UNC80: variants seen among roughly 807,000 people sequenced by gnomAD.
The protein encoded by UNC80 is protein unc-80 homolog.
UNC80 carries 164 observed loss-of-function variants against 384.6 expected under a neutral mutation model. That is an observed-to-expected ratio of 0.43 (90% CI 0.38 to 0.49). UNC80 has a LOEUF of 0.49. Ranked by LOEUF, UNC80 falls within the 20% of genes least tolerant of loss-of-function variation. The pLI, the probability that UNC80 is intolerant of heterozygous loss-of-function variation, is 0.00. For missense variants in UNC80, 3,330 were observed against 4,143.0 expected, an observed-to-expected ratio of 0.80 and a Z score of 5.39; for synonymous variants, 1,486 against 1,527.8, an observed-to-expected ratio of 0.97 and a Z score of 0.64.
Position 209,786,157 on chromosome 2 carries a change from C to T in UNC80, c.692C>T (p.Ala231Val). The change falls in exon 5 of 65, where the codon GCA becomes GTA. Residue 231 changes from alanine to valine, a missense_variant. Transcript: ENST00000673920. ...CAGCCCGGAGTCTCTGGCTTTACCG[C>T]ACTGGTGAAGCCCATCAGGAACATC... The part of the protein sequence containing the change: ...HRQPGVSGFT[A>V]LVKPIRNIIT... The T allele has an allele frequency of 6.2e-7, 1 of 1,614,020 alleles. No individual in the cohort carries two copies. The highest frequency in any genetic ancestry group is 8.5e-7 in the Non-Finnish European group (1 of 1,179,928).
chr2:209,815,638 A>G (rs1314157742), intron 9 of UNC80, among the ~76,000 whole-genome samples: 1 of 152,224 alleles, frequency 6.6e-6, no homozygotes, highest in African/African-American at 2.4e-5. Flanking sequence ...GATCATATGC[A>G]TAAAGCAGTG....
At chr2:209,843,312 G>A (rs115591891) in intron 21 of UNC80, among the ~76,000 whole-genome samples, 2,033 of 152,062 alleles carry the variant, frequency 0.013, 47 homozygotes, top group African/African-American at 0.045. Context: ...TACATTTTCT[G>A]TTTTCATATC....
At chr2:209,815,152 A>T (rs1336590751) in intron 8 of UNC80, 105 bp from the exon 9 acceptor site, 2 of 1,095,212 alleles carry the variant, frequency 1.8e-6, no homozygotes, top group East Asian at 2.6e-5. Flanking sequence ...TTGTTCAAAG[A>T]TGTCAAAGCT....
intron 28 of UNC80, among the ~76,000 whole-genome samples, chr2:209,904,143 G>A (rs2087887120): frequency 6.6e-6 from 1 of 152,198 alleles, no homozygotes; most frequent in South Asian, 2.1e-4. Context: ...GAGAATTATA[G>A]GAGATGTGAG....
At chr2:209,951,307 C>G (rs907144327) in intron 47 of UNC80, among the ~76,000 whole-genome samples, 14 of 150,402 alleles carry the variant, frequency 9.3e-5, no homozygotes, top group Admixed American at 2.6e-4. Flanking sequence ...TTCTCTCTCT[C>G]TCTCTTTTGA....
intron 25 of UNC80, among the ~76,000 whole-genome samples, chr2:209,884,074 A>T (rs1315894893): frequency 6.6e-6 from 1 of 152,218 alleles, no homozygotes; most frequent in Non-Finnish European, 1.5e-5. Context: ...CAATTAAATT[A>T]TGTCTAAAGA....
At chr2:209,833,928 C>A in intron 16 of UNC80, 74 bp from the exon 17 acceptor site, 1 of 1,452,998 alleles carries the variant, frequency 6.9e-7, no homozygotes, top group Non-Finnish European at 9.3e-7. Context: ...TTACTTTCTT[C>A]CTCTCTACCT....
chr2:209,941,368 T>C lies in UNC80; in HGVS notation c.6794T>C (p.Leu2265Pro). ...FLNVFNGALI[L>P]HPEDSALLRQ... is the part of the protein sequence containing the mutation. ...AACGTTTTTAACGGGGCTCTGATCC[T>C]CCACCCGGAAGACAGTGCCCTGCTC... Residue 2265 changes from leucine (L) to proline (P), a missense_variant, in exon 44 of 65, where the codon CTC becomes CCC. Around this residue, in one of 8 missense-constraint regions of UNC80, gnomAD observed 1,049 missense variants for 1,488.6 expected, o/e 0.70. Coordinates refer to ENST00000673920, the MANE Select transcript of UNC80 (RefSeq NM_001371986.1). 2 of 1,551,336 alleles carry C rather than the reference T, an allele frequency of 1.3e-6. No homozygotes were observed. Among genetic ancestry groups the C allele is most frequent in the Non-Finnish European group, 1.7e-6 (2 of 1,146,722 alleles).
Position 209,809,321 on chromosome 2 carries a change from C to A in UNC80, c.939-4259C>A, listed in dbSNP as rs1338746840. 1.9e-5 allele frequency: 15 copies of A among 773,778 alleles called. No individual in the cohort carries two copies. The East Asian group carries it at 3.7e-4, about 19-fold the overall frequency. 47.9% of individuals were successfully genotyped at this position (773,778 alleles called of 1,614,324 possible). A position where few individuals can be genotyped will look rare whatever the true frequency, so the allele number is the denominator to read the frequency against. On this transcript the variant is annotated intron_variant, in intron 7 of 64. Transcript: ENST00000673920. ...AAACACATCCGAAGCCACACGCTGC[C>A]CTTCGCCTGCGAAACCTGCGGGAAG...
At chr2:209,866,207 A>G (rs909540136) in intron 22 of UNC80, among the ~76,000 whole-genome samples, 5 of 152,170 alleles carry the variant, frequency 3.3e-5, no homozygotes, top group Non-Finnish European at 7.3e-5. Context: ...TTGAAAATAT[A>G]TAAGATAGAT....
chr2:209,871,731 T>A (rs12328886), intron 22 of UNC80, among the ~76,000 whole-genome samples: 26,543 of 151,970 alleles, frequency 0.17, 3,231 homozygotes, highest in African/African-American at 0.34. Flanking sequence ...TAACTTTTTT[T>A]AAAAAATCTT....
chr2:209,954,265 C>A lies in UNC80; in HGVS notation c.7452C>A (p.Leu2484=), dbSNP rs1373630821. The A allele has an allele frequency of 6.7e-7, 1 of 1,503,624 alleles. No homozygotes were observed. Among genetic ancestry groups the A allele is most frequent in the Middle Eastern group, 1.8e-4 (1 of 5,486 alleles). The allele number at this position is 1,503,624 out of a possible 1,614,324, so 93.1% of individuals were successfully genotyped here. ...LQALLYSVEV[L]TRPMTAPQMS... is the part of the protein sequence containing the mutation. ...CCCTTTTGTACAGTGTAGAGGTCCT[C>A]ACCAGGTAATCCCATTGGCAGAAAT... The change falls in exon 48 of 65, where the codon CTC becomes CTA. Residue 2484 remains leucine (L), a synonymous_variant. Transcript: ENST00000673920.
At chr2:209,936,675 T>C (rs750694118) in intron 40 of UNC80, among the ~76,000 whole-genome samples, 169 bp from the exon 41 acceptor site, 55 of 151,340 alleles carry the variant, frequency 3.6e-4, no homozygotes, top group African/African-American at 1.2e-3. Context: ...TATACACATA[T>C]ACACACACAC....
At chr2:209,907,759 C>A (rs187810694) in intron 29 of UNC80, among the ~76,000 whole-genome samples, 33 of 152,258 alleles carry the variant, frequency 2.2e-4, no homozygotes, top group African/African-American at 6.3e-4. Context: ...ATTTTGTATC[C>A]TGCATGATAA....
At chr2:209,962,301 T>A (rs1192610904) in intron 51 of UNC80, among the ~76,000 whole-genome samples, 1 of 152,108 alleles carries the variant, frequency 6.6e-6, no homozygotes, top group African/African-American at 2.4e-5. Context: ...TGGCTAGCCT[T>A]GGAAAAGAAT....
chr2:209,930,867 A>G (rs1198969724), intron 37 of UNC80, 101 bp from the exon 38 acceptor site: 3 of 714,598 alleles, frequency 4.2e-6, no homozygotes, highest in Admixed American at 2.9e-5. Flanking sequence ...GGGCAAAAGT[A>G]AAAAAAATCC....
At chr2:209,959,078 C>G (rs1275223598) in intron 49 of UNC80, 41 bp from the exon 50 acceptor site, 2 of 1,545,298 alleles carry the variant, frequency 1.3e-6, no homozygotes, top group East Asian at 4.9e-5. Flanking sequence ...GGACCCCGTT[C>G]TTGCTCTAAT....
chr2:209,831,091 G>T (rs2080929611), intron 15 of UNC80, among the ~76,000 whole-genome samples: 1 of 151,196 alleles, frequency 6.6e-6, no homozygotes, highest in Admixed American at 6.6e-5. Context: ...TTATTTAGGA[G>T]CTTTTTTTTT....
At chr2:209,789,465 A>G in intron 5 of UNC80, 67 bp from the exon 6 acceptor site, 1 of 1,069,930 alleles carries the variant, frequency 9.3e-7, no homozygotes. Flanking sequence ...TTGAAAATGA[A>G]ATGAACTTAT....
Sources: allele counts gnomAD v4.1 joint callset (sites outside exome capture counted in the v4.1 genomes callset), GRCh38; gene constraint gnomAD v4.1.1; regional missense constraint gnomAD v4.1.1; transcripts MANE v1.5; gene names NCBI Gene and HGNC (gene_info 2026-07-23, HGNC 2026-07-21).